SUCLG2: variants seen among roughly 807,000 people sequenced by gnomAD.
SUCLG2 encodes the protein succinate--CoA ligase [GDP-forming] subunit beta, mitochondrial.
SUCLG2 carries 42 observed loss-of-function variants against 47.9 expected under a neutral mutation model. That is an observed-to-expected ratio of 0.88 (90% CI 0.69 to 1.14). The LOEUF is 1.14. SUCLG2 is among the 50% of genes most tolerant of loss of function. SUCLG2 has a pLI of 0.00. For missense variants in SUCLG2, 571 were observed against 525.9 expected, an observed-to-expected ratio of 1.09 and a Z score of -0.84; for synonymous variants, 195 against 197.3, an observed-to-expected ratio of 0.99 and a Z score of 0.10.
At chr3:67,609,657 A>T in intron 1 of SUCLG2, 61 bp from the exon 2 acceptor site, 1 of 1,547,460 alleles carries the variant, frequency 6.5e-7, no homozygotes, top group Non-Finnish European at 8.8e-7. Flanking sequence ...ATAAAAGTCA[A>T]CCTACATGGC....
chr3:67,529,812 T>A (rs763002058), intron 2 of SUCLG2, among the ~76,000 whole-genome samples: 3 of 152,188 alleles, frequency 2.0e-5, no homozygotes, highest in Non-Finnish European at 4.4e-5. Flanking sequence ...GGAATCTTTG[T>A]TTCTCATCAC....
rs542178869 is a variant in SUCLG2 at position 67,572,626 on chromosome 3, T to C, written c.226+36829A>G. On this transcript the variant is annotated intron_variant, in intron 2 of 10. Coordinates refer to ENST00000307227, the MANE Select transcript of SUCLG2 (RefSeq NM_003848.4). ...CCAGAGCAGTAAGAACAGGTTAGAT[T>C]CTTACTAGCAGGAAGCTACTCTGCA... Among the ~76,000 whole-genome samples, 12 of 152,276 alleles carry C rather than the reference T, an allele frequency of 7.9e-5. No homozygotes were observed. The South Asian group carries it at 1.9e-3, about 24-fold the overall frequency.
chr3:67,574,107 G>T (rs1176807940), intron 2 of SUCLG2, among the ~76,000 whole-genome samples: 1 of 152,104 alleles, frequency 6.6e-6, no homozygotes, highest in Non-Finnish European at 1.5e-5. Context: ...GTAACCACAG[G>T]TCAAGCCCCT....
chr3:67,394,628 T>C (rs1488665243), intron 10 of SUCLG2, among the ~76,000 whole-genome samples: 2 of 151,856 alleles, frequency 1.3e-5, no homozygotes, highest in Non-Finnish European at 2.9e-5. Flanking sequence ...ACTTCCCCAA[T>C]CTAGCAAGGC....
chr3:67,595,770 T>C (rs1240035983), intron 2 of SUCLG2, among the ~76,000 whole-genome samples: 2 of 152,184 alleles, frequency 1.3e-5, no homozygotes, highest in African/African-American at 2.4e-5. Context: ...CTTAACAGTG[T>C]TTATTACAGA....
rs548713204 is a variant in SUCLG2, at chr3:67,504,835, T to G, written c.757+3972A>C. On this transcript the variant is annotated intron_variant, in intron 7 of 10. Transcript: ENST00000307227. ...CACAGTGGCTAGCAAAATGAATGAA[T>G]GAATACATGAATGCGCAGGTAGATA... is the stretch of plus-strand genomic sequence containing the variant. Among the ~76,000 whole-genome samples the G allele has an allele frequency of 1.6e-4, 24 of 152,280 alleles. No individual in the cohort carries two copies. The South Asian group carries it at 3.7e-3, about 24-fold the overall frequency.
intron 9 of SUCLG2, among the ~76,000 whole-genome samples, chr3:67,411,922 C>T (rs552930531): frequency 4.6e-5 from 7 of 152,204 alleles, no homozygotes; most frequent in Non-Finnish European, 8.8e-5. Flanking sequence ...ATCAACACCC[C>T]ATTTGAATTA....
intron 2 of SUCLG2, among the ~76,000 whole-genome samples, chr3:67,582,570 A>G (rs964255605): frequency 6.6e-6 from 1 of 152,192 alleles, no homozygotes; most frequent in Non-Finnish European, 1.5e-5. Flanking sequence ...TAGCGCTACA[A>G]TGAACATATA....
intron 2 of SUCLG2, among the ~76,000 whole-genome samples, chr3:67,567,952 G>A (rs17808406): frequency 0.45 from 68,971 of 152,016 alleles, 16,750 homozygotes; most frequent in Admixed American, 0.54. Context: ...GCTGTTAGCC[G>A]CCTCAGCAAA....
intron 9 of SUCLG2, among the ~76,000 whole-genome samples, chr3:67,483,789 C>G (rs1009056677): frequency 6.6e-6 from 1 of 152,120 alleles, no homozygotes; most frequent in African/African-American, 2.4e-5. Flanking sequence ...AGAGCTGCCC[C>G]CTGACATGCT....
chr3:67,647,807 C>T (rs1701217811), intron 1 of SUCLG2, among the ~76,000 whole-genome samples: 1 of 152,182 alleles, frequency 6.6e-6, no homozygotes, highest in African/African-American at 2.4e-5. Context: ...CAGATCTTCA[C>T]CCCTCTGAGC....
At chr3:67,598,137 T>C (rs1039035168) in intron 2 of SUCLG2, among the ~76,000 whole-genome samples, 16 of 151,954 alleles carry the variant, frequency 1.1e-4, no homozygotes, top group African/African-American at 3.9e-4. Flanking sequence ...CATGCCGCCA[T>C]GCCCAGCTAA....
Position 67,520,540 on chromosome 3 carries a change from G to A in SUCLG2, c.512C>T (p.Pro171Leu). The A allele has an allele frequency of 1.9e-6, 3 of 1,614,194 alleles. No homozygotes were observed. The highest frequency in any genetic ancestry group is 2.5e-6 in the Non-Finnish European group (3 of 1,180,018). Residue 171 changes from proline to leucine, a missense_variant, in exon 5 of 11, where the codon CCC becomes CTC. Coordinates refer to ENST00000307227, the MANE Select transcript of SUCLG2 (RefSeq NM_003848.4). The stretch of plus-strand genomic sequence containing the variant: ...CTCTTCAATGTCGACGCCCCCCTGG[G>A]GGCTGCCCACCAGCACGGGGCCATT... ...SCNGPVLVGS[P>L]QGGVDIEEVA...
At position 67,609,492 on chromosome 3, in the gene SUCLG2, G is replaced by A. The variant is rs1271610133; in HGVS notation, c.189C>T (p.Asp63=). 1.9e-6 allele frequency: 3 copies of A among 1,613,330 alleles called. No individual in the cohort carries two copies. The highest frequency in any genetic ancestry group is 2.5e-6 in the Non-Finnish European group (3 of 1,179,870). Residue 63 remains aspartate (D), a synonymous_variant, in exon 2 of 11, where the codon GAC becomes GAT. Transcript: ENST00000307227. Reference sequence around the variant, plus strand: ...CAGCCTCGAGAGCTTCATTTGCAGTGTCTGCTACAAAGAATCTTTGAACTC... The same window carrying A: ...CAGCCTCGAGAGCTTCATTTGCAGTATCTGCTACAAAGAATCTTTGAACTC... ...GVRVQRFFVA[D]TANEALEAAK...
chr3:67,560,470 A>G (rs1317862861), intron 2 of SUCLG2, among the ~76,000 whole-genome samples: 1 of 152,192 alleles, frequency 6.6e-6, no homozygotes, highest in African/African-American at 2.4e-5. Context: ...TCTGGGTTCA[A>G]GCCCTGAGTC....
At chr3:67,528,851 TG>T (rs1451665105) in intron 3 of SUCLG2, among the ~76,000 whole-genome samples, 1 of 152,160 alleles carries the variant, frequency 6.6e-6, no homozygotes, top group African/African-American at 2.4e-5. Context: ...AATCATTGAT[TG>T]TTTAGGACAG....
intron 1 of SUCLG2, among the ~76,000 whole-genome samples, chr3:67,648,477 A>G (rs1449109780): frequency 6.6e-6 from 1 of 152,210 alleles, no homozygotes; most frequent in African/African-American, 2.4e-5. Context: ...TTTCAGTGAC[A>G]GAGCTTAATA....
At chr3:67,471,137 A>G (rs1171777024) in intron 9 of SUCLG2, among the ~76,000 whole-genome samples, 1 of 152,214 alleles carries the variant, frequency 6.6e-6, no homozygotes, top group Non-Finnish European at 1.5e-5. Context: ...TATCCTCTAG[A>G]TAAGAAAGAG....
At chr3:67,461,458 A>G (rs139629056) in intron 9 of SUCLG2, among the ~76,000 whole-genome samples, 3 of 151,934 alleles carry the variant, frequency 2.0e-5, no homozygotes, top group African/African-American at 4.8e-5. Flanking sequence ...TCTGAGGGGG[A>G]AGGGGTTTGT....
Sources: gnomAD v4.1 joint callset for allele counts (sites outside exome capture counted in the v4.1 genomes callset) on GRCh38, gnomAD v4.1.1 for gene constraint, MANE v1.5 for transcripts, NCBI Gene and HGNC (gene_info 2026-07-23, HGNC 2026-07-21) for gene names.